The following TMEM231 variants were observed in gnomAD, a reference collection of about 807,000 sequenced individuals.
The protein encoded by TMEM231 is transmembrane protein 231.
A neutral mutation model predicts 38.5 loss-of-function variants in TMEM231; 40 were observed. The ratio of observed to expected loss-of-function variants is 1.04; its 90% CI spans 0.81 to 1.35. The LOEUF is 1.35. Ranked by LOEUF, TMEM231 falls within the 40% of genes most tolerant of loss-of-function variation. The probability of loss-of-function intolerance (pLI) is 0.00; values close to 1 mark genes in which losing one functional copy is unlikely to be tolerated. For missense variants in TMEM231, 420 were observed against 416.9 expected (o/e 1.01, Z -0.07); for synonymous variants, 199 against 181.7 (o/e 1.10, Z -0.77).
chr16:75,539,171 A>C lies in TMEM231; in HGVS notation c.*823T>G, dbSNP rs1472866144. The C allele has an allele frequency of 6.6e-6, 1 of 151,634 alleles. No homozygotes were observed. Among genetic ancestry groups the C allele is most frequent in the African/African-American group, 2.4e-5 (1 of 41,218 alleles). 9.4% of individuals were successfully genotyped at this position (151,634 alleles called of 1,614,324 possible). A position where few individuals can be genotyped will look rare whatever the true frequency, so the allele number is the denominator to read the frequency against. ...CAAGGAGGAGGAGGGCCAAGTGCCC[A>C]GGCTGTTGGGTGAGGGCCAGAAAGA... On this transcript the variant is annotated 3_prime_UTR_variant, in exon 7 of 7. Transcript: ENST00000258173.
chr16:75,551,012 C>T (rs924915044), intron 2 of TMEM231, among the ~76,000 whole-genome samples: 6 of 152,036 alleles, frequency 3.9e-5, no homozygotes, highest in South Asian at 4.1e-4. Context: ...CCACTGCGCC[C>T]GGCCCATATT....
rs938474588 is a variant in TMEM231, at chr16:75,539,729, G to A, written c.*265C>T. ...CTGCAATTTTCTCCTGAAATTCAACGCTAAGGCAAAGAAGGAAAACCCAAA... is the reference window on the plus strand; with the variant it reads ...CTGCAATTTTCTCCTGAAATTCAACACTAAGGCAAAGAAGGAAAACCCAAA... On this transcript the variant is annotated 3_prime_UTR_variant, in exon 7 of 7. Transcript: ENST00000258173. 5.2e-5 allele frequency: 17 copies of A among 328,480 alleles called. No homozygotes were observed. The highest frequency in any genetic ancestry group is 4.3e-4 in the Admixed American group (9 of 20,894). The allele number at this position is 328,480 out of a possible 1,614,324, so 20.3% of individuals were successfully genotyped here. A position where few individuals can be genotyped will look rare whatever the true frequency, so the allele number is the denominator to read the frequency against.
At chr16:75,544,194 C>G (rs948299710) in intron 4 of TMEM231, among the ~76,000 whole-genome samples, 1 of 152,194 alleles carries the variant, frequency 6.6e-6, no homozygotes, top group East Asian at 1.9e-4. Flanking sequence ...ATTTGAGATG[C>G]CACTGCTGTC....
chr16:75,547,745 C>G (rs376772448), intron 2 of TMEM231, among the ~76,000 whole-genome samples: 1 of 152,022 alleles, frequency 6.6e-6, no homozygotes, highest in Non-Finnish European at 1.5e-5. Context: ...TGCCACTGCA[C>G]TCCAGCCTGG....
chr16:75,541,727 A>T (rs1050345539), intron 5 of TMEM231: 1 of 232,090 alleles, frequency 4.3e-6, no homozygotes, highest in African/African-American at 2.3e-5. Context: ...TACTGCCACT[A>T]AAAGTAGTAT....
chr16:75,540,029 G>T lies in TMEM231; in HGVS notation c.916C>A (p.Pro306Thr). 6.2e-7 allele frequency: 1 copy of T among 1,613,406 alleles called. No individual in the cohort carries two copies. The highest frequency in any genetic ancestry group is 8.5e-7 in the Non-Finnish European group (1 of 1,179,614). Residue 306 changes from proline (P) to threonine (T), a missense_variant, in exon 7 of 7, where the codon CCC becomes ACC. Coordinates refer to ENST00000258173, the MANE Select transcript of TMEM231 (RefSeq NM_001077418.3). The stretch of plus-strand genomic sequence containing the variant: ...TGCTCCTTACACAAGTCTCCCCGGG[G>T]CGTCACTGTCACAGGAATGGTGGTC... ...VVTTIPVTVT[P>T]RGDLCKEHLS is the part of the protein sequence containing the mutation.
rs148290450 is a variant in TMEM231, at chr16:75,543,289, A to C, written c.583-606T>G. Among the ~76,000 whole-genome samples, 840 of 152,266 alleles carry C rather than the reference A, an allele frequency of 5.5e-3. 9 individuals are homozygous for C. Among genetic ancestry groups the C allele is most frequent in the African/African-American group, 0.019 (802 of 41,580 alleles). On this transcript the variant is annotated intron_variant, in intron 4 of 6. Coordinates refer to ENST00000258173, the MANE Select transcript of TMEM231 (RefSeq NM_001077418.3). The stretch of plus-strand genomic sequence containing the variant: ...TAAAAATAAAAAAAAATAAAAAGCC[A>C]GGCATGGAAGCTCACGCCTCTAATC...
rs2550894 is a variant in TMEM231 at position 75,545,572 on chromosome 16, T to G, written c.439-77A>C. 287,489 of 1,096,046 alleles carry G rather than the reference T, an allele frequency of 0.26. 41,165 individuals are homozygous for G. The highest frequency in any genetic ancestry group is 0.52 in the African/African-American group (27,206 of 52,336). 67.9% of individuals were successfully genotyped at this position (1,096,046 alleles called of 1,614,324 possible). On this transcript the variant is annotated intron_variant, in intron 3 of 6. Transcript: ENST00000258173. ...CTCTGGGTGCTAAGAGTCACCTGTC[T>G]TGGCTGAAACCTAAGAGGCCCTCAC...
intron 2 of TMEM231, among the ~76,000 whole-genome samples, chr16:75,553,598 G>C (rs1441133747): frequency 2.7e-5 from 4 of 147,514 alleles, no homozygotes; most frequent in African/African-American, 7.6e-5. Context: ...TTCCAGCCTG[G>C]CTGACAGAGT....
In TMEM231 at chr16:75,537,767, G is replaced by C. The variant is rs916244663; in HGVS notation, c.*2227C>G. On this transcript the variant is annotated 3_prime_UTR_variant, in exon 7 of 7. Coordinates refer to ENST00000258173, the MANE Select transcript of TMEM231 (RefSeq NM_001077418.3). The stretch of plus-strand genomic sequence containing the variant: ...CCCAAAGTGCTGGGATTACAGGCGT[G>C]AGCCACCGCTCCCGGCCTCTTGCTT... The C allele has an allele frequency of 6.6e-6, 1 of 152,214 alleles. No homozygotes were observed. Among genetic ancestry groups the C allele is most frequent in the Non-Finnish European group, 1.5e-5 (1 of 68,052 alleles). The allele number at this position is 152,214 out of a possible 1,614,324, so 9.4% of individuals were successfully genotyped here.
intron 2 of TMEM231, among the ~76,000 whole-genome samples, chr16:75,550,842 A>G (rs4324157): frequency 0.48 from 72,374 of 151,096 alleles, 20,327 homozygotes; most frequent in East Asian, 0.95. Flanking sequence ...TCAGCCTCCC[A>G]AACAGCTGGG....
Position 75,539,992 on chromosome 16 carries a change from T to C in TMEM231, c.*2A>G. The C allele has an allele frequency of 6.2e-7, 1 of 1,607,986 alleles. No individual in the cohort carries two copies. Among genetic ancestry groups the C allele is most frequent in the Non-Finnish European group, 8.5e-7 (1 of 1,177,278 alleles). On this transcript the variant is annotated 3_prime_UTR_variant, in exon 7 of 7. Transcript: ENST00000258173. ...CCTGCTGAGTCTTCAGAAATGGCCT[T>C]TCTAGGATAAGTGCTCCTTACACAA...
chr16:75,547,924 G>T (rs2572094), intron 2 of TMEM231, among the ~76,000 whole-genome samples: 75,921 of 152,074 alleles, frequency 0.5, 21,675 homozygotes, highest in East Asian at 0.95. Flanking sequence ...GAAGAAAAGA[G>T]CACATTTCTC....
rs35767878 is a variant in TMEM231 at position 75,537,121 on chromosome 16, CAAA to C, written c.*2870_*2872del. On this transcript the variant is annotated 3_prime_UTR_variant, in exon 7 of 7. Coordinates refer to ENST00000258173, the MANE Select transcript of TMEM231 (RefSeq NM_001077418.3). ...TGGGTAACAGAGTGAGACTCTGTCT[CAAA>C]AAAAAAAAAAAAAAAGAAAAAGAAA... 46 of 107,152 alleles carry C rather than the reference CAAA, an allele frequency of 4.3e-4. No homozygotes were observed. Among genetic ancestry groups the C allele is most frequent in the South Asian group, 2.1e-3 (7 of 3,406 alleles). 6.6% of individuals were successfully genotyped at this position (107,152 alleles called of 1,614,324 possible). A position where few individuals can be genotyped will look rare whatever the true frequency, so the allele number is the denominator to read the frequency against.
In TMEM231 at chr16:75,556,092, G is replaced by C. The variant is rs1012758156; in HGVS notation, c.118C>G (p.Leu40Val). The change falls in exon 1 of 7, where the codon CTG (leucine) becomes GTG (valine). Residue 40 changes from leucine to valine, a missense_variant. By Grantham distance (32) the Leu-to-Val change is conservative. Coordinates refer to ENST00000258173, the MANE Select transcript of TMEM231 (RefSeq NM_001077418.3). ...AAALTYIPPL[L>V]VAFRSHGFWL... ...TCACCGTGGCTCCGGAAGGCCACCA[G>C]CAGCGGCGGGATGTACGTGAGCGCA... The C allele has an allele frequency of 1.3e-6, 2 of 1,569,018 alleles. No homozygotes were observed. Among genetic ancestry groups the C allele is most frequent in the African/African-American group, 2.7e-5 (2 of 73,714 alleles).
At position 75,540,161 on chromosome 16, in the gene TMEM231, A is replaced by G; in HGVS notation, c.784T>C (p.Phe262Leu). The G allele has an allele frequency of 6.2e-7, 1 of 1,613,032 alleles. No individual in the cohort carries two copies. Among genetic ancestry groups the G allele is most frequent in the Non-Finnish European group, 8.5e-7 (1 of 1,179,440 alleles). ...CAGGCGAACTTTACCATCTCCCAGA[A>G]TCCTGGCTGATAAGTATGGACAGTT... Reference protein sequence around the residue: ...PVEVISYQPGFWEMVKFAWVQ... With the variant: ...PVEVISYQPGLWEMVKFAWVQ... The change falls in exon 7 of 7, where the codon TTC (phenylalanine) becomes CTC (leucine). Residue 262 changes from phenylalanine (F) to leucine (L), a missense_variant. By Grantham distance (22) the Phe-to-Leu change is conservative. Transcript: ENST00000258173.
At chr16:75,555,998 G>A (rs1242314299) in intron 1 of TMEM231, 25 bp from the exon 2 acceptor site, 4 of 1,589,272 alleles carry the variant, frequency 2.5e-6, no homozygotes, top group Non-Finnish European at 2.6e-6. Context: ...GCGGTAGGGA[G>A]GCGGTTAGGG....
intron 6 of TMEM231, among the ~76,000 whole-genome samples, 187 bp from the exon 7 acceptor site, chr16:75,540,361 A>G (rs1341583339): frequency 2.0e-5 from 3 of 152,214 alleles, no homozygotes; most frequent in Non-Finnish European, 2.9e-5. Flanking sequence ...AGCTATTTAT[A>G]TACCAAGCCT....
chr16:75,540,270 G>T, intron 6 of TMEM231, 96 bp from the exon 7 acceptor site: 1 of 1,267,582 alleles, frequency 7.9e-7, no homozygotes. Context: ...TCGAAAGGAG[G>T]CAGGACCTCT....
Sources: allele counts gnomAD v4.1 joint callset (sites outside exome capture counted in the v4.1 genomes callset), GRCh38; gene constraint gnomAD v4.1.1; transcripts MANE v1.5; gene names NCBI Gene and HGNC (gene_info 2026-07-23, HGNC 2026-07-21).